DPYSL2: variants seen among roughly 807,000 people sequenced by gnomAD.
DPYSL2 encodes dihydropyrimidinase like 2.
A neutral mutation model predicts 69.9 loss-of-function variants in DPYSL2; 13 were observed. The observed-to-expected ratio is 0.19, with a 90% CI of 0.12 to 0.30. DPYSL2 has a LOEUF of 0.30. Ranked by LOEUF, DPYSL2 falls within the 10% of genes least tolerant of loss-of-function variation. The pLI is 1.00. For missense variants in DPYSL2, 587 were observed against 918.9 expected (o/e 0.64, Z 4.67); for synonymous variants, 326 against 359.1 (o/e 0.91, Z 1.04).
At position 26,579,700 on chromosome 8, in the gene DPYSL2, T is replaced by G. The variant is rs999907261; in HGVS notation, c.355-2269T>G. ...GATGATCTGAAGAAGGGCGCTAGCT[T>G]CTTCTTGAAGGCAAAAGACCCAAGA... On this transcript the variant is annotated intron_variant, in intron 1 of 13. Transcript: ENST00000521913. Among the ~76,000 whole-genome samples, 5 of 152,072 alleles carry G rather than the reference T, an allele frequency of 3.3e-5. 1 individual carries two copies. The highest frequency in any genetic ancestry group is 3.3e-4 in the Admixed American group (5 of 15,270).
chr8:26,599,966 T>C (rs926905998), intron 3 of DPYSL2, among the ~76,000 whole-genome samples: 1 of 152,184 alleles, frequency 6.6e-6, no homozygotes, highest in Non-Finnish European at 1.5e-5. Context: ...ACTACATTTC[T>C]ATAGCGTTGC....
rs1800958282 is a variant in DPYSL2 at position 26,556,176 on chromosome 8, GTATATACTATATATATTATATATACTATA to G, written c.355-25777_355-25749del. Among the ~76,000 whole-genome samples the G allele has an allele frequency of 5.9e-4, 2 of 3,378 alleles. 1 individual carries two copies. The highest frequency in any genetic ancestry group is 1.3e-3 in the Non-Finnish European group (2 of 1,578). The allele number at this position is 3,378 out of a possible 152,430, so 2.2% of individuals were successfully genotyped here. On this transcript the variant is annotated intron_variant, in intron 1 of 13. Coordinates refer to ENST00000521913, the MANE Select transcript of DPYSL2 (RefSeq NM_001197293.3). ...CTATATATAGTATATACTATATATA[GTATATACTATATATATTATATATACTATA>G]TATATACTATATATAGTATATATAG...
chr8:26,564,505 G>A lies in DPYSL2; in HGVS notation c.355-17464G>A, dbSNP rs781000082. Among the ~76,000 whole-genome samples, 9 of 152,168 alleles carry A rather than the reference G, an allele frequency of 5.9e-5. No individual in the cohort carries two copies. Among genetic ancestry groups the A allele is most frequent in the Non-Finnish European group, 8.8e-5 (6 of 68,036 alleles). ...CTTGAATGGGCTGACGTCTTCCTGT[G>A]AGACCTAGGGAAGGAGAAAAGAGGG... is the stretch of plus-strand genomic sequence containing the variant. On this transcript the variant is annotated intron_variant, in intron 1 of 13. Transcript: ENST00000521913. The surrounding 1 kb of genome is among the most constrained non-coding windows in gnomAD (Gnocchi z 4.8).
chr8:26,628,338 G>A (rs1802666161), intron 7 of DPYSL2, among the ~76,000 whole-genome samples: 1 of 152,236 alleles, frequency 6.6e-6, no homozygotes, highest in Non-Finnish European at 1.5e-5. Context: ...ATGCCTAGAA[G>A]GCGTGTGGGG....
rs1191904410 is a variant in DPYSL2 at position 26,648,389 on chromosome 8, A to G, written c.1596+589A>G. On this transcript the variant is annotated intron_variant, in intron 11 of 13. Transcript: ENST00000521913. This position sits in a 1 kb window ranked among gnomAD's most constrained non-coding sequence, Gnocchi z 4.3. ...TCTTCCCTCTGGGTCTGGGCTTTAG[A>G]GCTTAGAGATGTCCTCTCTTGTTAA... Among the ~76,000 whole-genome samples the G allele has an allele frequency of 6.6e-6, 1 of 152,102 alleles. No homozygotes were observed. Among genetic ancestry groups the G allele is most frequent in the African/African-American group, 2.4e-5 (1 of 41,412 alleles).
chr8:26,582,136 A>C lies in DPYSL2; in HGVS notation c.443+79A>C. On this transcript the variant is annotated intron_variant, in intron 2 of 13. Coordinates refer to ENST00000521913, the MANE Select transcript of DPYSL2 (RefSeq NM_001197293.3). The surrounding 1 kb of genome is among the most constrained non-coding windows in gnomAD (Gnocchi z 4.1). ...AGTATTAGATACCATTCGCATCCAA[A>C]GTATCAAACTTCAGGAACATCAGAG... is the stretch of plus-strand genomic sequence containing the variant. The C allele has an allele frequency of 8.6e-7, 1 of 1,165,990 alleles. No individual in the cohort carries two copies. 72.2% of individuals were successfully genotyped at this position (1,165,990 alleles called of 1,614,324 possible). A position where few individuals can be genotyped will look rare whatever the true frequency, so the allele number is the denominator to read the frequency against.
intron 1 of DPYSL2, among the ~76,000 whole-genome samples, chr8:26,569,637 C>T (rs1358357772): frequency 6.6e-6 from 1 of 152,096 alleles, no homozygotes; most frequent in Non-Finnish European, 1.5e-5. Context: ...TGGAAATACT[C>T]AAGTAAACAA....
chr8:26,586,600 C>T lies in DPYSL2; in HGVS notation c.628+2617C>T, dbSNP rs327236. 0.28 allele frequency among the ~76,000 whole-genome samples: 42,527 copies of T among 152,000 alleles called. 6,144 individuals are homozygous for T. The highest frequency in any genetic ancestry group is 0.38 in the South Asian group (1,847 of 4,816). On this transcript the variant is annotated intron_variant, in intron 3 of 13. Coordinates refer to ENST00000521913, the MANE Select transcript of DPYSL2 (RefSeq NM_001197293.3). This position sits in a 1 kb window ranked among gnomAD's most constrained non-coding sequence, Gnocchi z 4.7. ...GAGCATCACCTTCTTGCCACCACCC[C>T]GAATTTCTCTTTCGTCTTCCCCCTC...
rs1304167596 is a variant in DPYSL2 at position 26,562,321 on chromosome 8, C to A, written c.355-19648C>A. ...TTAACCAGAGTTAATACTTGCAAAG[C>A]ACTGAGAACAATGCCTGGCCCAGTA... On this transcript the variant is annotated intron_variant, in intron 1 of 13. Coordinates refer to ENST00000521913, the MANE Select transcript of DPYSL2 (RefSeq NM_001197293.3). The surrounding 1 kb of genome is among the most constrained non-coding windows in gnomAD (Gnocchi z 4.9). Among the ~76,000 whole-genome samples, 1 of 152,184 alleles carries A rather than the reference C, an allele frequency of 6.6e-6. No homozygotes were observed. The highest frequency in any genetic ancestry group is 1.5e-5 in the Non-Finnish European group (1 of 68,034).
In DPYSL2 at chr8:26,514,635, C is replaced by A; in HGVS notation, c.310C>A (p.Arg104=). 2 of 1,281,860 alleles carry A rather than the reference C, an allele frequency of 1.6e-6. No homozygotes were observed. Among genetic ancestry groups the A allele is most frequent in the Non-Finnish European group, 2.0e-6 (2 of 997,334 alleles). 79.4% of individuals were successfully genotyped at this position (1,281,860 alleles called of 1,614,324 possible). A position where few individuals can be genotyped will look rare whatever the true frequency, so the allele number is the denominator to read the frequency against. ...TGAATCGGGCCGGAAGGTGGAGATC[C>A]GGAGGGCCTCGGGCAAAGAAGCCCT... is the stretch of plus-strand genomic sequence containing the variant. ...SVESGRKVEI[R]RASGKEALQN... Residue 104 remains arginine (R), a synonymous_variant, in exon 1 of 14, where the codon CGG becomes AGG. Transcript: ENST00000521913. The surrounding 1 kb of genome is among the most constrained non-coding windows in gnomAD (Gnocchi z 8.4).
At chr8:26,559,487 T>A (rs1356467090) in intron 1 of DPYSL2, among the ~76,000 whole-genome samples, 1 of 152,220 alleles carries the variant, frequency 6.6e-6, no homozygotes, top group African/African-American at 2.4e-5. Flanking sequence ...TCAGCCTCCA[T>A]CTATTTAACA....
intron 1 of DPYSL2, among the ~76,000 whole-genome samples, chr8:26,518,128 C>T (rs1049840920): frequency 7.9e-5 from 12 of 152,154 alleles, no homozygotes; most frequent in African/African-American, 1.2e-4. Flanking sequence ...CAACTGATGC[C>T]CAAGTTGTCC....
intron 1 of DPYSL2, among the ~76,000 whole-genome samples, chr8:26,545,384 G>C (rs1299226143): frequency 6.6e-6 from 1 of 152,116 alleles, no homozygotes; most frequent in Non-Finnish European, 1.5e-5. Flanking sequence ...CAAATATGTG[G>C]AAACAAAACA....
At position 26,554,100 on chromosome 8, in the gene DPYSL2, G is replaced by C. The variant is rs1347171131; in HGVS notation, c.355-27869G>C. 2.0e-5 allele frequency among the ~76,000 whole-genome samples: 3 copies of C among 151,938 alleles called. No homozygotes were observed. In the East Asian group the frequency reaches 5.8e-4, roughly 29 times the overall value. On this transcript the variant is annotated intron_variant, in intron 1 of 13. Transcript: ENST00000521913. ...GGATGGGGTTTCACCATCTTGGCCA[G>C]GCTGGTCTTGAACTCCTGACCTCGT... is the stretch of plus-strand genomic sequence containing the variant.
In DPYSL2 at chr8:26,627,943, G is replaced by A. The variant is rs373529652; in HGVS notation, c.1005+3G>A. ...ATGTGCTGAGCCGACCTGAGGAGGT[G>A]AATGTTCACCAAGCGGAATGCGTGA... On this transcript the variant is annotated splice_donor_region_variant and intron_variant, in intron 7 of 13. Transcript: ENST00000521913. This position sits in a 1 kb window ranked among gnomAD's most constrained non-coding sequence, Gnocchi z 6.9. The A allele has an allele frequency of 8.7e-6, 14 of 1,613,470 alleles. No individual in the cohort carries two copies. The African/African-American group carries it at 1.9e-4, about 21-fold the overall frequency.
At position 26,514,644 on chromosome 8, in the gene DPYSL2, T is replaced by A; in HGVS notation, c.319T>A (p.Ser107Thr). ...SGRKVEIRRASGKEALQNIND... is the reference protein window; with the variant it reads ...SGRKVEIRRATGKEALQNIND... ...CCGGAAGGTGGAGATCCGGAGGGCC[T>A]CGGGCAAAGAAGCCCTGCAGAACAT... The change falls in exon 1 of 14, where the codon TCG (serine) becomes ACG (threonine). Residue 107 changes from serine to threonine, a missense_variant. By Grantham distance (58) the Ser-to-Thr change is moderately conservative. Around this residue, in one of 3 missense-constraint regions of DPYSL2, gnomAD observed 85 missense variants for 77.7 expected, o/e 1.09. Coordinates refer to ENST00000521913, the MANE Select transcript of DPYSL2 (RefSeq NM_001197293.3). This position sits in a 1 kb window ranked among gnomAD's most constrained non-coding sequence, Gnocchi z 8.4. 7.1e-7 allele frequency: 1 copy of A among 1,406,796 alleles called. No homozygotes were observed. Among genetic ancestry groups the A allele is most frequent in the Non-Finnish European group, 9.3e-7 (1 of 1,080,706 alleles). The allele number at this position is 1,406,796 out of a possible 1,614,324, so 87.1% of individuals were successfully genotyped here.
chr8:26,601,505 G>T (rs1447476710), intron 3 of DPYSL2, among the ~76,000 whole-genome samples: 2 of 152,126 alleles, frequency 1.3e-5, no homozygotes, highest in Admixed American at 1.3e-4. Flanking sequence ...AGCCTCCCAA[G>T]TAGCTGGGAC....
intron 3 of DPYSL2, among the ~76,000 whole-genome samples, chr8:26,596,796 C>T (rs112543413): frequency 6.6e-6 from 1 of 152,326 alleles, no homozygotes; most frequent in African/African-American, 2.4e-5. Context: ...GCCAATGGCC[C>T]TTGCATATCC....
At chr8:26,649,056 C>G (rs1219093137) in intron 11 of DPYSL2, among the ~76,000 whole-genome samples, 1 of 152,238 alleles carries the variant, frequency 6.6e-6, no homozygotes, top group Non-Finnish European at 1.5e-5. Flanking sequence ...CCATGAACCT[C>G]CCTATTCATG....
Sources: allele counts gnomAD v4.1 joint callset (sites outside exome capture counted in the v4.1 genomes callset), GRCh38; gene constraint gnomAD v4.1.1; regional missense constraint gnomAD v4.1.1; non-coding constraint Gnocchi (gnomAD v3.1); transcripts MANE v1.5; gene names NCBI Gene and HGNC (gene_info 2026-07-23, HGNC 2026-07-21).